FAM107A: variants seen among roughly 807,000 people sequenced by gnomAD.
FAM107A encodes the protein actin-associated protein FAM107A.
A neutral mutation model predicts 13.7 loss-of-function variants in FAM107A; 19 were observed. The observed-to-expected ratio is 1.38, with a 90% CI of 0.97 to 2.03. The LOEUF (loss-of-function observed/expected upper bound fraction) is 2.03. Among genes scored for constraint, FAM107A ranks in the 30% most tolerant of loss-of-function variants. FAM107A has a pLI of 0.00. For synonymous variants in FAM107A, 82 were observed against 74.5 expected (o/e 1.10, Z -0.52); for missense variants, 203 against 184.4 (o/e 1.10, Z -0.58).
chr3:58,601,748 A>G (rs1230206839), intron 1 of FAM107A, among the ~76,000 whole-genome samples: 1 of 152,214 alleles, frequency 6.6e-6, no homozygotes, highest in Non-Finnish European at 1.5e-5. Flanking sequence ...ACTTCTCAAA[A>G]GTACTGGATT....
intron 1 of FAM107A, among the ~76,000 whole-genome samples, chr3:58,570,690 A>C (rs1365111923): frequency 6.6e-6 from 1 of 151,036 alleles, no homozygotes; most frequent in African/African-American, 2.4e-5. Flanking sequence ...CTGCCTGGCC[A>C]TTAGCTGCTT....
upstream of FAM107A, among the ~76,000 whole-genome samples, chr3:58,589,544 A>G (rs2065638882): frequency 6.6e-6 from 1 of 152,180 alleles, no homozygotes. Context: ...TTTAGGGAAA[A>G]GTTAACAAGA....
intron 1 of FAM107A, among the ~76,000 whole-genome samples, chr3:58,599,695 C>CTTTTTTT (rs1559483413): frequency 8.7e-5 from 4 of 45,744 alleles, no homozygotes; most frequent in Non-Finnish European, 1.6e-4. Context: ...ACAAGTGCAC[C>CTTTTTTT]ATTTTTTTTT....
At chr3:58,621,719 C>G (rs1434110856) in intron 1 of FAM107A, among the ~76,000 whole-genome samples, 2 of 152,250 alleles carry the variant, frequency 1.3e-5, no homozygotes, top group Non-Finnish European at 2.9e-5. Flanking sequence ...AGAGGCTCCA[C>G]TTGGCCCCAG....
intron 1 of FAM107A, among the ~76,000 whole-genome samples, chr3:58,575,129 C>T (rs960436837): frequency 2.6e-5 from 4 of 152,176 alleles, no homozygotes; most frequent in Non-Finnish European, 5.9e-5. Context: ...TCTTCGATGG[C>T]ATCAGTTGTA....
At chr3:58,602,367 G>A (rs955800576) in intron 1 of FAM107A, among the ~76,000 whole-genome samples, 1 of 152,250 alleles carries the variant, frequency 6.6e-6, no homozygotes, top group Admixed American at 6.5e-5. Context: ...CTCCTGGAGG[G>A]AGTGTTGATA....
At chr3:58,570,649 T>A (rs1468173074) in intron 1 of FAM107A, among the ~76,000 whole-genome samples, 4 of 114,818 alleles carry the variant, frequency 3.5e-5, no homozygotes, top group Admixed American at 8.4e-5. Flanking sequence ...GAGACTGACT[T>A]AAAAAAAAAA....
chr3:58,618,253 AGT>A (rs1326602372), intron 1 of FAM107A, among the ~76,000 whole-genome samples: 1 of 152,206 alleles, frequency 6.6e-6, no homozygotes, highest in African/African-American at 2.4e-5. Flanking sequence ...GCTTTTGCAC[AGT>A]GTTATCTTGT....
chr3:58,621,999 G>C (rs55808301), intron 1 of FAM107A, among the ~76,000 whole-genome samples: 5,761 of 152,308 alleles, frequency 0.038, 152 homozygotes, highest in Middle Eastern at 0.058. Flanking sequence ...AGTGTCAGGT[G>C]GGGGAGAGGT....
chr3:58,586,735 G>C (rs2065609807), intron 1 of FAM107A: 2 of 1,046,306 alleles, frequency 1.9e-6, no homozygotes, highest in East Asian at 6.3e-5. Context: ...CGGAAGGTTA[G>C]GAAAGAAGCA....
At chr3:58,589,569 C>A (rs1466511100), upstream of FAM107A, among the ~76,000 whole-genome samples, 2 of 152,094 alleles carry the variant, frequency 1.3e-5, no homozygotes, top group Non-Finnish European at 2.9e-5. Flanking sequence ...ACAGAGAGTT[C>A]TCTTATACTC....
Position 58,621,204 on chromosome 3 carries a change from C to T in FAM107A, c.-70+6212G>A, listed in dbSNP as rs556509991. Among the ~76,000 whole-genome samples, 9 of 152,256 alleles carry T rather than the reference C, an allele frequency of 5.9e-5. 3 individuals carry two copies. The South Asian group carries it at 1.9e-3, about 32-fold the overall frequency. ...CGGAACTAAATGACAAATTTTAGCG[C>T]TTGGGAAACCATGCTCACAACCCCA... On this transcript the variant is annotated intron_variant, in intron 1 of 3. Coordinates refer to the FAM107A transcript ENST00000465970.
intron 1 of FAM107A, among the ~76,000 whole-genome samples, chr3:58,576,098 T>C (rs1274871303): frequency 2.0e-5 from 3 of 152,232 alleles, no homozygotes; most frequent in African/African-American, 7.2e-5. Context: ...ATGGGGAAAG[T>C]GCCTATTTGT....
chr3:58,625,874 A>C (rs933843342), intron 1 of FAM107A, among the ~76,000 whole-genome samples: 4 of 152,118 alleles, frequency 2.6e-5, no homozygotes, highest in Non-Finnish European at 5.9e-5. Flanking sequence ...TTCTTCCTTG[A>C]GTTTCTCAAC....
At chr3:58,581,441 C>CT (rs2065541262), upstream of FAM107A, among the ~76,000 whole-genome samples, 1 of 152,216 alleles carries the variant, frequency 6.6e-6, no homozygotes, top group Admixed American at 6.5e-5. Context: ...GCGCCTAGAA[C>CT]AGCTTATCTG....
At chr3:58,599,346 G>A (rs909794501) in intron 1 of FAM107A, among the ~76,000 whole-genome samples, 1 of 152,194 alleles carries the variant, frequency 6.6e-6, no homozygotes. Flanking sequence ...CTGGGAAGTG[G>A]AAATGCTAGA....
chr3:58,606,058 G>A (rs1256741050), intron 1 of FAM107A, among the ~76,000 whole-genome samples: 2 of 152,148 alleles, frequency 1.3e-5, no homozygotes, highest in Admixed American at 6.5e-5. Context: ...GGTCTGGGAG[G>A]TCATTGCTCT....
intron 1 of FAM107A, among the ~76,000 whole-genome samples, chr3:58,574,000 G>A (rs2063709787): frequency 6.6e-6 from 1 of 152,194 alleles, no homozygotes; most frequent in Non-Finnish European, 1.5e-5. Context: ...AAGGTGCTTG[G>A]CAAATGCCTC....
chr3:58,626,134 G>A (rs187581028), intron 1 of FAM107A, among the ~76,000 whole-genome samples: 8 of 152,304 alleles, frequency 5.3e-5, no homozygotes, highest in East Asian at 3.9e-4. Context: ...TGGCAGTACC[G>A]GGTCGTTGTG....
Sources: gnomAD v4.1 joint callset for allele counts (sites outside exome capture counted in the v4.1 genomes callset) on GRCh38, gnomAD v4.1.1 for gene constraint, MANE v1.5 for transcripts, NCBI Gene and HGNC (gene_info 2026-07-23, HGNC 2026-07-21) for gene names.